Variants in LLGL2 observed in about 807,000 individuals in gnomAD.
LLGL2 encodes the protein LLGL scribble cell polarity complex component 2, also known as LLGL2, scribble cell polarity complex component.
Under a neutral mutation model 123.2 loss-of-function variants are expected in LLGL2, and 81 were observed. That is an observed-to-expected ratio of 0.66 (90% CI 0.55 to 0.79). The LOEUF (loss-of-function observed/expected upper bound fraction) is 0.79. Among genes scored for constraint, LLGL2 ranks in the 30% least tolerant of loss-of-function variants. The pLI is 0.00. For missense variants in LLGL2, 1,273 were observed against 1,414.6 expected, an observed-to-expected ratio of 0.90 and a Z score of 1.61; for synonymous variants, 577 against 594.1, an observed-to-expected ratio of 0.97 and a Z score of 0.42.
At chr17:75,568,934 G>A (rs746969863) in intron 12 of LLGL2, 44 bp from the exon 13 acceptor site, 14 of 1,589,084 alleles carry the variant, frequency 8.8e-6, no homozygotes, top group South Asian at 4.5e-5. Context: ...TGGGCATCCC[G>A]GCTGGCATCC....
chr17:75,525,340 G>T (rs1471999343), upstream of LLGL2, among the ~76,000 whole-genome samples: 2 of 152,088 alleles, frequency 1.3e-5, no homozygotes, highest in East Asian at 3.9e-4. This position sits in a 1 kb window ranked among gnomAD's most constrained non-coding sequence, Gnocchi z 4.8. Context: ...CCCCTCCCTC[G>T]GCAGCTCCCG....
intron 1 of LLGL2, among the ~76,000 whole-genome samples, chr17:75,528,983 C>G (rs748742183): frequency 6.6e-6 from 1 of 151,536 alleles, no homozygotes; most frequent in Non-Finnish European, 1.5e-5. Context: ...ACAGTGAAAC[C>G]GGTCTCTACT....
chr17:75,554,115 A>T (rs11868269), intron 2 of LLGL2, among the ~76,000 whole-genome samples: 9,018 of 152,120 alleles, frequency 0.059, 852 homozygotes, highest in African/African-American at 0.2. Flanking sequence ...CAGCCTGGCC[A>T]ACATGGTGAA....
At chr17:75,562,357 C>A in intron 6 of LLGL2, 1 of 153,310 alleles carries the variant, frequency 6.5e-6, no homozygotes, top group Non-Finnish European at 1.5e-5. Flanking sequence ...TCCTGCCGGG[C>A]ATAGAAATAG....
chr17:75,568,131 C>A, intron 10 of LLGL2: 1 of 1,203,490 alleles, frequency 8.3e-7, no homozygotes, highest in Non-Finnish European at 1.0e-6. Flanking sequence ...ACAGGTGCAT[C>A]TGAGCAGGGA....
chr17:75,568,691 A>G lies in LLGL2; in HGVS notation c.1252A>G (p.Met418Val). 2 of 1,613,174 alleles carry G rather than the reference A, an allele frequency of 1.2e-6. No individual in the cohort carries two copies. The highest frequency in any genetic ancestry group is 1.7e-6 in the Non-Finnish European group (2 of 1,179,794). ...CCGGCAGAACGCACACTTCTCCACC[A>G]TGGTAGGTCTGGCCCTGGCCCCAGC... ...GSRQNAHFSTMEWPIDGGTSL... is the reference protein window; with the variant it reads ...GSRQNAHFSTVEWPIDGGTSL... The change falls in exon 11 of 26, where the codon ATG becomes GTG. Residue 418 changes from methionine to valine, a missense_variant and splice_region_variant. By Grantham distance (21) the Met-to-Val change is conservative. Coordinates refer to ENST00000392550, the MANE Select transcript of LLGL2 (RefSeq NM_001031803.2).
intron 1 of LLGL2, among the ~76,000 whole-genome samples, chr17:75,527,717 T>C (rs1176456305): frequency 6.6e-6 from 1 of 152,032 alleles, no homozygotes; most frequent in Non-Finnish European, 1.5e-5. Context: ...CCCTCACACT[T>C]CAGCCTCCCA....
chr17:75,570,091 C>A lies in LLGL2; in HGVS notation c.1710C>A (p.Pro570=). 6.2e-7 allele frequency: 1 copy of A among 1,610,444 alleles called. No homozygotes were observed. Among genetic ancestry groups the A allele is most frequent in the Non-Finnish European group, 8.5e-7 (1 of 1,178,808 alleles). ...GHERLAARSG[P]VRFEPGFQPF... ...AGCGCCTGGCAGCCCGCTCAGGGCC[C>A]GTGCGCTTTGAGCCTGGCTTTCAGC... Residue 570 remains proline (P), a synonymous_variant, in exon 15 of 26, where the codon CCC becomes CCA. Transcript: ENST00000392550.
chr17:75,563,391 G>T lies in LLGL2; in HGVS notation c.754G>T (p.Gly252Cys), dbSNP rs749704053. The change falls in exon 8 of 26, where the codon GGC (glycine) becomes TGC (cysteine). Residue 252 changes from glycine (G) to cysteine (C), a missense_variant. Gly to Cys is a radical substitution (Grantham distance 159, BLOSUM62 -3). Transcript: ENST00000392550. ...GRLLVSCHSD[G>C]SYCQWPVSSE... ...CCTGCTCGTCAGCTGTCACTCTGAC[G>T]GCAGCTACTGCCAGTGGCCCGTGTC... 6.2e-7 allele frequency: 1 copy of T among 1,612,858 alleles called. No homozygotes were observed. Among genetic ancestry groups the T allele is most frequent in the South Asian group, 1.1e-5 (1 of 91,072 alleles).
At chr17:75,540,304 C>A (rs1163984661) in intron 1 of LLGL2, among the ~76,000 whole-genome samples, 1 of 152,206 alleles carries the variant, frequency 6.6e-6, no homozygotes, top group Non-Finnish European at 1.5e-5. Context: ...GGAGGTGAGG[C>A]CCGCCAGGTC....
chr17:75,543,784 A>G (rs1598540301), intron 2 of LLGL2, among the ~76,000 whole-genome samples: 1 of 152,108 alleles, frequency 6.6e-6, no homozygotes, highest in South Asian at 2.1e-4. Flanking sequence ...CCCTACCTGT[A>G]TCATGGGAAT....
In LLGL2 at chr17:75,545,112, C is replaced by T. The variant is rs193071790; in HGVS notation, c.75+1611C>T. Reference sequence around the variant, plus strand: ...CTCAGCAAATAGGGCTGAACACCCCCCTACCCCTGCCCCCTTGCACCAAGT... The same window carrying T: ...CTCAGCAAATAGGGCTGAACACCCCTCTACCCCTGCCCCCTTGCACCAAGT... On this transcript the variant is annotated intron_variant, in intron 2 of 25. Coordinates refer to ENST00000392550, the MANE Select transcript of LLGL2 (RefSeq NM_001031803.2). Among the ~76,000 whole-genome samples, 24 of 152,160 alleles carry T rather than the reference C, an allele frequency of 1.6e-4. No individual in the cohort carries two copies. The East Asian group carries it at 4.1e-3, about 26-fold the overall frequency.
At chr17:75,531,583 C>G (rs1000501066) in intron 1 of LLGL2, among the ~76,000 whole-genome samples, 2 of 152,242 alleles carry the variant, frequency 1.3e-5, no homozygotes, top group Non-Finnish European at 2.9e-5. Flanking sequence ...CGAGGCACGC[C>G]AGGTCTGCTT....
At chr17:75,529,299 C>G (rs1244245263) in intron 1 of LLGL2, among the ~76,000 whole-genome samples, 1 of 151,722 alleles carries the variant, frequency 6.6e-6, no homozygotes, top group Admixed American at 6.5e-5. Context: ...CAGGTTCAAG[C>G]AGTTCTCCTG....
chr17:75,568,552 G>C lies in LLGL2; in HGVS notation c.1113G>C (p.Trp371Cys). The C allele has an allele frequency of 6.2e-7, 1 of 1,613,694 alleles. No individual in the cohort carries two copies. Among genetic ancestry groups the C allele is most frequent in the Admixed American group, 1.7e-5 (1 of 60,016 alleles). Residue 371 changes from tryptophan to cysteine, a missense_variant, in exon 11 of 26, where the codon TGG becomes TGC. Coordinates refer to ENST00000392550, the MANE Select transcript of LLGL2 (RefSeq NM_001031803.2). The part of the protein sequence containing the change: ...LVVIDLQTAG[W>C]PPVQLPYLAS... ...TGATTGACCTGCAGACAGCAGGCTG[G>C]CCACCGGTCCAGCTGCCCTACCTGG...
At chr17:75,551,075 C>T (rs926688904) in intron 2 of LLGL2, among the ~76,000 whole-genome samples, 1 of 152,196 alleles carries the variant, frequency 6.6e-6, no homozygotes, top group Non-Finnish European at 1.5e-5. Context: ...CCTGAGGAAT[C>T]CCCTGGGAGA....
chr17:75,552,062 G>A (rs12451123), intron 2 of LLGL2, among the ~76,000 whole-genome samples: 56,968 of 151,534 alleles, frequency 0.38, 11,570 homozygotes, highest in South Asian at 0.59. Context: ...CCGGGAGGTG[G>A]AGGTTGCAGC....
intron 17 of LLGL2, 42 bp downstream of exon 17, chr17:75,571,142 C>A: frequency 2.6e-6 from 4 of 1,534,534 alleles, no homozygotes; most frequent in Non-Finnish European, 3.6e-6. Flanking sequence ...GGGTAGTGGG[C>A]AGCAGACACC....
chr17:75,529,543 C>T (rs1350852904), intron 1 of LLGL2, among the ~76,000 whole-genome samples: 2 of 151,670 alleles, frequency 1.3e-5, no homozygotes, highest in African/African-American at 4.8e-5. Context: ...ATCCTTCTAT[C>T]CTTCATCTCT....
Sources: allele counts gnomAD v4.1 joint callset (sites outside exome capture counted in the v4.1 genomes callset), GRCh38; gene constraint gnomAD v4.1.1; non-coding constraint Gnocchi (gnomAD v3.1); transcripts MANE v1.5; gene names NCBI Gene and HGNC (gene_info 2026-07-23, HGNC 2026-07-21).